Variants in ZDHHC13 observed in about 807,000 individuals in gnomAD.
ZDHHC13 encodes palmitoyltransferase ZDHHC13.
A neutral mutation model predicts 86.0 loss-of-function variants in ZDHHC13; 85 were observed. The ratio of observed to expected loss-of-function variants is 0.99; its 90% CI spans 0.83 to 1.18. ZDHHC13 has a LOEUF of 1.18. Among genes scored for constraint, ZDHHC13 ranks in the 50% most tolerant of loss-of-function variants. The probability of loss-of-function intolerance (pLI) is 0.00; values close to 1 mark genes in which losing one functional copy is unlikely to be tolerated. For missense variants in ZDHHC13, 711 were observed against 730.2 expected (o/e 0.97, Z 0.30); for synonymous variants, 263 against 246.4 (o/e 1.07, Z -0.63).
At position 19,165,105 on chromosome 11, in the gene ZDHHC13, T is replaced by C. The variant is rs528474346; in HGVS notation, c.1350T>C (p.Ala450=). The part of the protein sequence containing the change: ...LHCHVCNCCV[A]RYDQHCLWTG... ...GCCATGTATGCAACTGCTGTGTGGC[T>C]CGATATGATCAACACTGCCTGTGGA... Residue 450 remains alanine (A), a synonymous_variant, in exon 13 of 17, where the codon GCT becomes GCC. Transcript: ENST00000446113. 1.2e-6 allele frequency: 2 copies of C among 1,613,064 alleles called. No individual in the cohort carries two copies. Among genetic ancestry groups the C allele is most frequent in the South Asian group, 2.2e-5 (2 of 90,848 alleles).
intron 14 of ZDHHC13, chr11:19,168,135 T>C (rs776675927): frequency 1.3e-5 from 2 of 152,252 alleles, no homozygotes; most frequent in Non-Finnish European, 2.9e-5. Context: ...TTATGTCTTA[T>C]GGTGTAAAAA....
intron 1 of ZDHHC13, among the ~76,000 whole-genome samples, chr11:19,140,509 G>A (rs1002568047): frequency 6.6e-5 from 10 of 152,140 alleles, no homozygotes; most frequent in Non-Finnish European, 1.0e-4. Flanking sequence ...TCAGTGTGGC[G>A]ATTCCTCAGG....
chr11:19,136,056 G>A (rs1439602397), intron 1 of ZDHHC13, among the ~76,000 whole-genome samples: 1 of 152,026 alleles, frequency 6.6e-6, no homozygotes, highest in African/African-American at 2.4e-5. Context: ...ACCAGCAACG[G>A]AACAAAGCTG....
In ZDHHC13 at chr11:19,141,889, G is replaced by A. The variant is rs80292215; in HGVS notation, c.28-1089G>A. On this transcript the variant is annotated intron_variant, in intron 1 of 16. Transcript: ENST00000446113. ...TTCAGCTAGTGGGACTATCTTGGCA[G>A]TCATTCTTTTTACCCTCCCAAATTA... is the stretch of plus-strand genomic sequence containing the variant. Among the ~76,000 whole-genome samples the A allele has an allele frequency of 7.8e-3, 1,191 of 152,222 alleles. 23 individuals are homozygous for A. Among genetic ancestry groups the A allele is most frequent in the African/African-American group, 0.027 (1,132 of 41,544 alleles).
chr11:19,163,378 G>T lies in ZDHHC13; in HGVS notation c.1184G>T (p.Trp395Leu), dbSNP rs1849966033. The T allele has an allele frequency of 6.2e-7, 1 of 1,606,482 alleles. No individual in the cohort carries two copies. Among genetic ancestry groups the T allele is most frequent in the Admixed American group, 1.7e-5 (1 of 58,970 alleles). Residue 395 changes from tryptophan (W) to leucine (L), a missense_variant, in exon 11 of 17, where the codon TGG (tryptophan) becomes TTG (leucine). By Grantham distance (61) the Trp-to-Leu change is moderately conservative. Transcript: ENST00000446113. Reference sequence around the variant, plus strand: ...TTTCTATACTTTTTCTATAAGACTTGGGCAACTGATCCAGGCTTCACTAAG... The same window carrying T: ...TTTCTATACTTTTTCTATAAGACTTTGGCAACTGATCCAGGCTTCACTAAG... ...VAFLYFFYKT[W>L]ATDPGFTKAS...
intron 14 of ZDHHC13, chr11:19,170,062 T>G: frequency 9.4e-7 from 1 of 1,067,018 alleles, no homozygotes; most frequent in Non-Finnish European, 1.1e-6. Flanking sequence ...CCATAGTTGC[T>G]ATAAACATGA....
In ZDHHC13 at chr11:19,166,297, T is replaced by A; in HGVS notation, c.1391-5T>A. On this transcript the variant is annotated splice_polypyrimidine_tract_variant and splice_region_variant and intron_variant, in intron 13 of 16. Transcript: ENST00000446113. ...TTAAGTATGTTTTTTTTCTTTTTTC[T>A]TGAGGTTTTGGCAACCATCACTATT... The A allele has an allele frequency of 6.2e-7, 1 of 1,604,458 alleles. No homozygotes were observed. The highest frequency in any genetic ancestry group is 8.5e-7 in the Non-Finnish European group (1 of 1,177,340).
intron 14 of ZDHHC13, chr11:19,169,626 A>C (rs1392014611): frequency 1.0e-6 from 1 of 985,358 alleles, no homozygotes; most frequent in African/African-American, 1.7e-5. Context: ...ATGCATGGGC[A>C]GGGTGCCTGT....
At chr11:19,126,336 C>T (rs1214186174) in intron 1 of ZDHHC13, among the ~76,000 whole-genome samples, 1 of 86,598 alleles carries the variant, frequency 1.2e-5, no homozygotes, top group Non-Finnish European at 2.8e-5. Context: ...TTTTTCTTTT[C>T]TTTTTCTTTT....
intron 1 of ZDHHC13, among the ~76,000 whole-genome samples, chr11:19,134,047 T>TTTCAGAAAGGAAA (rs1249789919): frequency 6.6e-6 from 1 of 151,302 alleles, no homozygotes; most frequent in African/African-American, 2.4e-5. Flanking sequence ...CTGAGGACAG[T>TTTCAGAAAGGAAA]TTCAGAAAGG....
chr11:19,134,344 C>G (rs193236270), intron 1 of ZDHHC13, among the ~76,000 whole-genome samples: 7 of 152,136 alleles, frequency 4.6e-5, no homozygotes, highest in African/African-American at 1.4e-4. Flanking sequence ...AAACTAAAAA[C>G]TAAAAAATTA....
rs114744583 is a variant in ZDHHC13, at chr11:19,147,047, T to C, written c.297-549T>C. Among the ~76,000 whole-genome samples the C allele has an allele frequency of 6.9e-3, 1,044 of 152,270 alleles. 9 individuals are homozygous for C. The highest frequency in any genetic ancestry group is 0.024 in the African/African-American group (985 of 41,562). ...ATAAACCATAGAAGAAAATCAGTCT[T>C]ATTACCTTATATGTCCACCTTATAC... On this transcript the variant is annotated intron_variant, in intron 3 of 16. Transcript: ENST00000446113.
At chr11:19,169,784 T>C in intron 14 of ZDHHC13, 5 of 985,542 alleles carry the variant, frequency 5.1e-6, no homozygotes, top group Non-Finnish European at 6.0e-6. Flanking sequence ...TTGGCACACC[T>C]GGGGAGAAAC....
At chr11:19,164,741 G>A (rs1376536235) in intron 12 of ZDHHC13, 1 of 427,540 alleles carries the variant, frequency 2.3e-6, no homozygotes, top group Non-Finnish European at 4.2e-6. Flanking sequence ...CAAATTATTG[G>A]TGGTGCTAAA....
intron 14 of ZDHHC13, chr11:19,169,160 A>T (rs1850150918): frequency 5.1e-6 from 5 of 985,500 alleles, no homozygotes; most frequent in Non-Finnish European, 6.0e-6. Context: ...AGAAGGGAGC[A>T]GTAGAAATCC....
chr11:19,163,172 A>C, intron 10 of ZDHHC13, 131 bp from the exon 11 acceptor site: 4 of 861,232 alleles, frequency 4.6e-6, no homozygotes, highest in Admixed American at 3.7e-5. Context: ...TAGGATGGGA[A>C]GAGATTTAGG....
intron 9 of ZDHHC13, among the ~76,000 whole-genome samples, chr11:19,156,605 A>T (rs74427120): frequency 6.6e-6 from 1 of 151,956 alleles, no homozygotes; most frequent in Non-Finnish European, 1.5e-5. Flanking sequence ...ATCACCCCCC[A>T]TCTCTTCTTC....
intron 8 of ZDHHC13, among the ~76,000 whole-genome samples, chr11:19,153,576 TC>T (rs571855896): frequency 3.9e-4 from 60 of 152,288 alleles, no homozygotes; most frequent in South Asian, 3.7e-3. Flanking sequence ...CTTTGCCAGC[TC>T]CTCCACTTCT....
At chr11:19,164,665 T>A in intron 12 of ZDHHC13, 1 of 434,166 alleles carries the variant, frequency 2.3e-6, no homozygotes, top group South Asian at 3.2e-5. Context: ...CATAATGACC[T>A]TAGAAACCAC....
Sources: allele counts gnomAD v4.1 joint callset (sites outside exome capture counted in the v4.1 genomes callset), GRCh38; gene constraint gnomAD v4.1.1; transcripts MANE v1.5; gene names NCBI Gene and HGNC (gene_info 2026-07-23, HGNC 2026-07-21).